The following PIK3C3 variants were observed in gnomAD, a reference collection of about 807,000 sequenced individuals.
The protein encoded by PIK3C3 is PI3-kinase type 3.
PIK3C3 carries 95 observed loss-of-function variants against 126.1 expected under a neutral mutation model. The observed-to-expected ratio is 0.75, with a 90% CI of 0.64 to 0.89. PIK3C3 has a LOEUF of 0.89. Among genes scored for constraint, PIK3C3 ranks in the 40% least tolerant of loss-of-function variants. PIK3C3 has a pLI of 0.00. For synonymous variants in PIK3C3, 374 were observed against 360.0 expected, an observed-to-expected ratio of 1.04 and a Z score of -0.44; for missense variants, 829 against 1,063.2, an observed-to-expected ratio of 0.78 and a Z score of 3.06.
At chr18:41,955,689 G>C (rs1979735219) in intron 1 of PIK3C3, among the ~76,000 whole-genome samples, 1 of 152,168 alleles carries the variant, frequency 6.6e-6, no homozygotes, top group South Asian at 2.1e-4. Context: ...ATCAAGTCTC[G>C]TCGTAAGTAA....
At chr18:42,024,563 A>G (rs1477119886) in intron 13 of PIK3C3, among the ~76,000 whole-genome samples, 1 of 150,942 alleles carries the variant, frequency 6.6e-6, no homozygotes, top group Non-Finnish European at 1.5e-5. Context: ...AGCCTCCCAC[A>G]TAGCTGGGAT....
chr18:42,024,713 G>A (rs1983477550), intron 13 of PIK3C3, among the ~76,000 whole-genome samples: 1 of 152,090 alleles, frequency 6.6e-6, no homozygotes, highest in South Asian at 2.1e-4. Context: ...GGGATTGCAG[G>A]TGTGAACCAC....
rs760584113 is a variant in PIK3C3, at chr18:41,987,912, C to T, written c.618+14C>T. 2.2e-6 allele frequency: 3 copies of T among 1,394,928 alleles called. No individual in the cohort carries two copies. Among genetic ancestry groups the T allele is most frequent in the Non-Finnish European group, 3.0e-6 (3 of 1,012,400 alleles). 86.4% of individuals were successfully genotyped at this position (1,394,928 alleles called of 1,614,324 possible). ...ATGATAAATGAGGTGGGTTATATCA[C>T]TCTTTTATTTTAAAATATTTTCTGT... is the stretch of plus-strand genomic sequence containing the variant. On this transcript the variant is annotated intron_variant, in intron 5 of 24. Transcript: ENST00000262039.
intron 24 of PIK3C3, among the ~76,000 whole-genome samples, chr18:42,078,982 C>T (rs1986137581): frequency 6.6e-6 from 1 of 152,194 alleles, no homozygotes; most frequent in Non-Finnish European, 1.5e-5. Context: ...AAAACTTCCT[C>T]CATATCAGCA....
intron 4 of PIK3C3, among the ~76,000 whole-genome samples, chr18:41,974,021 T>C (rs1980795145): frequency 6.6e-6 from 1 of 152,188 alleles, no homozygotes; most frequent in South Asian, 2.1e-4. Context: ...ATTTTTACTA[T>C]GCATGGTACC....
At chr18:41,983,178 A>G (rs920989119) in intron 4 of PIK3C3, among the ~76,000 whole-genome samples, 3 of 152,102 alleles carry the variant, frequency 2.0e-5, no homozygotes, top group African/African-American at 4.8e-5. Context: ...TGAATGACTC[A>G]CTTATTTCCA....
chr18:42,046,561 C>A (rs963258810), intron 20 of PIK3C3, among the ~76,000 whole-genome samples: 1 of 152,028 alleles, frequency 6.6e-6, no homozygotes, highest in African/African-American at 2.4e-5. Context: ...AATAAAAAAA[C>A]TAACAACATT....
chr18:42,056,445 G>A (rs535749984), intron 21 of PIK3C3, among the ~76,000 whole-genome samples: 128 of 152,200 alleles, frequency 8.4e-4, no homozygotes, highest in Middle Eastern at 3.4e-3. Context: ...TAAAAGCATG[G>A]AGCTCATTAA....
intron 4 of PIK3C3, among the ~76,000 whole-genome samples, chr18:41,985,629 C>A (rs1218205997): frequency 6.6e-6 from 1 of 152,026 alleles, no homozygotes; most frequent in African/African-American, 2.4e-5. Context: ...TCTTTTGTGT[C>A]TAATTTTTCT....
chr18:42,044,197 G>T (rs1984455361), intron 20 of PIK3C3, among the ~76,000 whole-genome samples: 1 of 152,122 alleles, frequency 6.6e-6, no homozygotes, highest in South Asian at 2.1e-4. Context: ...TAAGATAATG[G>T]TGCTTCATTA....
At chr18:42,049,082 G>A (rs1429399899) in intron 20 of PIK3C3, among the ~76,000 whole-genome samples, 1 of 151,966 alleles carries the variant, frequency 6.6e-6, no homozygotes, top group Non-Finnish European at 1.5e-5. Context: ...CCACTCAAAT[G>A]AATGCATTTG....
At chr18:42,012,801 A>C (rs1482247998) in intron 10 of PIK3C3, among the ~76,000 whole-genome samples, 1 of 152,088 alleles carries the variant, frequency 6.6e-6, no homozygotes, top group Non-Finnish European at 1.5e-5. Flanking sequence ...GTTTTGTTCA[A>C]ATCTCTTGGT....
At chr18:41,969,639 T>G (rs1462562730) in intron 3 of PIK3C3, among the ~76,000 whole-genome samples, 2 of 152,236 alleles carry the variant, frequency 1.3e-5, no homozygotes, top group Non-Finnish European at 2.9e-5. Context: ...ATGCCTTTTA[T>G]GGAAAAGAAA....
At chr18:42,052,284 T>G (rs966661813) in intron 21 of PIK3C3, among the ~76,000 whole-genome samples, 1 of 152,162 alleles carries the variant, frequency 6.6e-6, no homozygotes, top group Non-Finnish European at 1.5e-5. Flanking sequence ...GAATTAAATT[T>G]CAGAAACAGA....
intron 24 of PIK3C3, among the ~76,000 whole-genome samples, chr18:42,068,543 G>C (rs1180511780): frequency 6.6e-6 from 1 of 152,086 alleles, no homozygotes; most frequent in African/African-American, 2.4e-5. Context: ...CTAAATTTCT[G>C]TATGTTTTCT....
chr18:42,062,274 T>C (rs913045724), intron 22 of PIK3C3, among the ~76,000 whole-genome samples: 4 of 151,784 alleles, frequency 2.6e-5, no homozygotes, highest in Admixed American at 2.6e-4. Context: ...AACAGCGGAT[T>C]GTACGCTGCT....
intron 22 of PIK3C3, among the ~76,000 whole-genome samples, chr18:42,058,536 C>G (rs954704483): frequency 6.6e-6 from 1 of 152,080 alleles, no homozygotes; most frequent in Non-Finnish European, 1.5e-5. Context: ...TCTTTAGCAG[C>G]CTTAGTTTTG....
At chr18:42,048,696 C>G (rs988917966) in intron 20 of PIK3C3, among the ~76,000 whole-genome samples, 3 of 152,130 alleles carry the variant, frequency 2.0e-5, no homozygotes, top group Non-Finnish European at 4.4e-5. Context: ...GAACCTAAGT[C>G]AAATGAACTT....
intron 13 of PIK3C3, among the ~76,000 whole-genome samples, chr18:42,023,202 G>GTGT (rs1276653068): frequency 6.6e-6 from 1 of 152,148 alleles, no homozygotes; most frequent in Non-Finnish European, 1.5e-5. Flanking sequence ...AGAGCTATAT[G>GTGT]TGTATATACT....
Sources: allele counts gnomAD v4.1 joint callset (sites outside exome capture counted in the v4.1 genomes callset), GRCh38; gene constraint gnomAD v4.1.1; transcripts MANE v1.5; gene names NCBI Gene and HGNC (gene_info 2026-07-23, HGNC 2026-07-21).